The following DENND4C variants were observed in gnomAD, a reference collection of about 807,000 sequenced individuals.
DENND4C encodes DENN domain containing 4C, also known as DENN domain-containing protein 4C.
Under a neutral mutation model 203.0 loss-of-function variants are expected in DENND4C, and 108 were observed. The observed-to-expected ratio is 0.53, with a 90% CI of 0.46 to 0.62. The LOEUF is 0.62. Among genes scored for constraint, DENND4C ranks in the 20% least tolerant of loss-of-function variants. The probability of loss-of-function intolerance (pLI) is 0.00; values close to 1 mark genes in which losing one functional copy is unlikely to be tolerated. For missense variants in DENND4C, 2,481 were observed against 2,301.2 expected (o/e 1.08, Z -1.60); for synonymous variants, 871 against 792.4 (o/e 1.10, Z -1.67).
intron 1 of DENND4C, among the ~76,000 whole-genome samples, chr9:19,243,536 C>G (rs1824314389): frequency 6.6e-6 from 1 of 152,170 alleles, no homozygotes; most frequent in South Asian, 2.1e-4. Context: ...GTCTCCTAGT[C>G]CCTGCTGCCC....
intron 3 of DENND4C, among the ~76,000 whole-genome samples, chr9:19,288,320 T>A (rs1835624981): frequency 6.6e-6 from 1 of 152,222 alleles, no homozygotes; most frequent in Non-Finnish European, 1.5e-5. Context: ...TTGTGCTGTG[T>A]CTTACAAGAA....
chr9:19,320,766 T>A (rs1024724760), intron 12 of DENND4C, among the ~76,000 whole-genome samples: 2 of 152,346 alleles, frequency 1.3e-5, no homozygotes. Flanking sequence ...AAAGTGTTGT[T>A]ACCCTCACTC....
Position 19,324,437 on chromosome 9 carries a change from T to G in DENND4C, c.1883T>G (p.Phe628Cys). ...LLSKTQIFIRFIEECSFVSDK... is the reference protein window; with the variant it reads ...LLSKTQIFIRCIEECSFVSDK... ...TCCAAAACACAGATTTTTATTCGTT[T>G]CATTGAAGAATGCAGTTTTGTAAGT... Residue 628 changes from phenylalanine (F) to cysteine (C), a missense_variant, in exon 13 of 33, where the codon TTC (phenylalanine) becomes TGC (cysteine). Coordinates refer to ENST00000434457, the MANE Select transcript of DENND4C (RefSeq NM_001330640.2). 6.2e-7 allele frequency: 1 copy of G among 1,613,104 alleles called. No homozygotes were observed. The highest frequency in any genetic ancestry group is 8.5e-7 in the Non-Finnish European group (1 of 1,179,576).
intron 2 of DENND4C, among the ~76,000 whole-genome samples, chr9:19,284,969 T>C (rs960024809): frequency 6.6e-6 from 1 of 152,320 alleles, no homozygotes; most frequent in Non-Finnish European, 1.5e-5. Flanking sequence ...CTGCTAGATA[T>C]ACTTTTAGCA....
chr9:19,356,467 GAGA>G (rs1375758081), intron 26 of DENND4C, among the ~76,000 whole-genome samples: 1 of 152,004 alleles, frequency 6.6e-6, no homozygotes, highest in Admixed American at 6.6e-5. Flanking sequence ...CACCCAAAGA[GAGA>G]AGGAGAGAGA....
At position 19,373,677 on chromosome 9, in the gene DENND4C, T is replaced by C. The variant is rs539244401; in HGVS notation, c.*1504T>C. On this transcript the variant is annotated 3_prime_UTR_variant, in exon 33 of 33. Coordinates refer to ENST00000434457, the MANE Select transcript of DENND4C (RefSeq NM_001330640.2). The stretch of plus-strand genomic sequence containing the variant: ...TTTATCATGCCTTTTATTAAAAATA[T>C]CCCTTAGGAACAGTAAGTTTGCCTT... 1 of 152,726 alleles carries C rather than the reference T, an allele frequency of 6.5e-6. No homozygotes were observed. Among genetic ancestry groups the C allele is most frequent in the African/African-American group, 2.4e-5 (1 of 41,576 alleles). 9.5% of individuals were successfully genotyped at this position (152,726 alleles called of 1,614,324 possible).
chr9:19,265,617 C>T (rs985000086), intron 1 of DENND4C, among the ~76,000 whole-genome samples: 6 of 152,134 alleles, frequency 3.9e-5, no homozygotes, highest in South Asian at 2.1e-4. Flanking sequence ...CCCTACCCCA[C>T]GACAGGCCCC....
intron 26 of DENND4C, among the ~76,000 whole-genome samples, chr9:19,356,598 T>C (rs1825459993): frequency 6.6e-6 from 1 of 152,142 alleles, no homozygotes; most frequent in African/African-American, 2.4e-5. Flanking sequence ...GTGCTGCTAC[T>C]GCAGCTCTTT....
In DENND4C at chr9:19,357,154, G is replaced by C; in HGVS notation, c.4964G>C (p.Ser1655Thr). ...GAAACAGGCTCTGCAGTTGAACCAA[G>C]GTATCAAAGGGTACAGAGACCTCTT... ...TEETGSAVEP[S>T]DEIKRASGDV... Residue 1655 changes from serine (S) to threonine (T), a missense_variant and splice_region_variant, in exon 27 of 33, where the codon AGT becomes ACT. By Grantham distance (58) the Ser-to-Thr change is moderately conservative. Coordinates refer to ENST00000434457, the MANE Select transcript of DENND4C (RefSeq NM_001330640.2). 1 of 1,613,702 alleles carries C rather than the reference G, an allele frequency of 6.2e-7. No individual in the cohort carries two copies. The highest frequency in any genetic ancestry group is 8.5e-7 in the Non-Finnish European group (1 of 1,179,738).
At chr9:19,259,139 A>C (rs1332522809) in intron 1 of DENND4C, among the ~76,000 whole-genome samples, 4 of 152,098 alleles carry the variant, frequency 2.6e-5, no homozygotes, top group African/African-American at 9.7e-5. Flanking sequence ...AATATACAAT[A>C]AATTATTGTT....
At chr9:19,284,982 A>C (rs1030521864) in intron 2 of DENND4C, among the ~76,000 whole-genome samples, 8 of 152,132 alleles carry the variant, frequency 5.3e-5, no homozygotes, top group African/African-American at 1.9e-4. Context: ...TTTTAGCACT[A>C]GTATGATTTA....
chr9:19,342,150 CTA>C (rs1030191224), intron 21 of DENND4C, among the ~76,000 whole-genome samples: 30 of 142,108 alleles, frequency 2.1e-4, no homozygotes, highest in Non-Finnish European at 3.8e-4. Flanking sequence ...AAAAAAAAGT[CTA>C]TGTGGTTTTT....
chr9:19,273,300 G>C (rs1190799261), intron 1 of DENND4C, among the ~76,000 whole-genome samples: 1 of 151,838 alleles, frequency 6.6e-6, no homozygotes, highest in East Asian at 1.9e-4. Flanking sequence ...TGGCCAGGCT[G>C]GTCTGGAACT....
intron 1 of DENND4C, among the ~76,000 whole-genome samples, chr9:19,250,859 A>G (rs1408623591): frequency 6.6e-6 from 1 of 152,086 alleles, no homozygotes; most frequent in African/African-American, 2.4e-5. Context: ...GGGCAACTCC[A>G]CCCCTGTGGC....
At chr9:19,338,826 T>C (rs1406494230) in intron 20 of DENND4C, among the ~76,000 whole-genome samples, 1 of 152,186 alleles carries the variant, frequency 6.6e-6, no homozygotes, top group Non-Finnish European at 1.5e-5. Context: ...TTTAATTCTT[T>C]TGTTGTATGG....
intron 17 of DENND4C, among the ~76,000 whole-genome samples, chr9:19,332,832 G>C (rs1819562096): frequency 7.0e-6 from 1 of 143,706 alleles, no homozygotes; most frequent in South Asian, 2.2e-4. Context: ...TTGAACTCCT[G>C]GCTCTTGAAC....
chr9:19,336,863 A>T (rs767234236), intron 20 of DENND4C, 31 bp downstream of exon 20: 17 of 1,533,278 alleles, frequency 1.1e-5, no homozygotes, highest in Non-Finnish European at 1.2e-5. Flanking sequence ...CTAACCCTTC[A>T]CTTACTCTCA....
At chr9:19,297,154 ATGTAT>A (rs1192567391) in intron 6 of DENND4C, among the ~76,000 whole-genome samples, 1 of 152,196 alleles carries the variant, frequency 6.6e-6, no homozygotes, top group African/African-American at 2.4e-5. Flanking sequence ...AAGAGCTGTA[ATGTAT>A]TAAAGTATGT....
intron 2 of DENND4C, among the ~76,000 whole-genome samples, chr9:19,283,838 G>A (rs141370199): frequency 4.6e-5 from 7 of 151,596 alleles, no homozygotes; most frequent in East Asian, 1.9e-4. Context: ...CAGGTGATCC[G>A]CCCACTTCTG....
Sources: gnomAD v4.1 joint callset for allele counts (sites outside exome capture counted in the v4.1 genomes callset) on GRCh38, gnomAD v4.1.1 for gene constraint, MANE v1.5 for transcripts, NCBI Gene and HGNC (gene_info 2026-07-23, HGNC 2026-07-21) for gene names.